The following IGSF10 variants were observed in gnomAD, a reference collection of about 807,000 sequenced individuals.
IGSF10 encodes the protein immunoglobulin superfamily member 10, also known as calvaria mechanical force protein 608.
In IGSF10, 126 loss-of-function variants were observed where a neutral mutation model predicts 128.2. The ratio of observed to expected loss-of-function variants is 0.98; its 90% confidence interval spans 0.85 to 1.14. IGSF10 has a LOEUF of 1.14. Among genes scored for constraint, IGSF10 ranks in the 50% most tolerant of loss-of-function variants. The pLI is 0.00. For missense variants in IGSF10, 3,295 were observed against 3,149.8 expected (o/e 1.05, Z -1.10); for synonymous variants, 1,185 against 1,146.2 (o/e 1.03, Z -0.68).
the IGSF10 span, among the ~76,000 whole-genome samples, chr3:151,522,843 C>A: frequency 2.0e-5 from 3 of 152,074 alleles, no homozygotes; most frequent in African/African-American, 7.2e-5. Flanking sequence ...CCAGGACAAT[C>A]AGGCAAGAGA....
the IGSF10 span, among the ~76,000 whole-genome samples, chr3:151,508,116 T>A: frequency 6.6e-6 from 1 of 152,152 alleles, no homozygotes; most frequent in African/African-American, 2.4e-5. Context: ...CAATTCTATA[T>A]ACAGAGTGTA....
In IGSF10 at chr3:151,448,956, G is replaced by A. The variant is rs1721374383; in HGVS notation, c.1025C>T (p.Pro342Leu). 5 of 1,614,040 alleles carry A rather than the reference G, an allele frequency of 3.1e-6. No homozygotes were observed. The highest frequency in any genetic ancestry group is 1.1e-5 in the South Asian group (1 of 91,080). Residue 342 changes from proline to leucine, a missense_variant, in exon 6 of 8, where the codon CCC (proline) becomes CTC (leucine). Physicochemically the swap from Pro to Leu is moderately conservative, Grantham distance 98. Transcript: ENST00000282466. ...GTCATTTTCTTCAGTGAATGCAATGGGTGATGTCCTTGAGGGCTTTTGAAT... is the reference window on the plus strand; with the variant it reads ...GTCATTTTCTTCAGTGAATGCAATGAGTGATGTCCTTGAGGGCTTTTGAAT... ...CSIQKPSRTSPIAFTEENDYI... is the reference protein window; with the variant it reads ...CSIQKPSRTSLIAFTEENDYI...
At chr3:151,576,622 C>T in the IGSF10 span, among the ~76,000 whole-genome samples, 2 of 152,236 alleles carry the variant, frequency 1.3e-5, no homozygotes, top group Admixed American at 1.3e-4. Context: ...AGAAGCTGGC[C>T]ATAACTTCCC....
the IGSF10 span, among the ~76,000 whole-genome samples, chr3:151,500,521 G>C: frequency 5.9e-5 from 9 of 152,186 alleles, no homozygotes; most frequent in African/African-American, 2.2e-4. Context: ...AATAGAACGG[G>C]GAATAGTAAT....
chr3:151,522,421 G>T, the IGSF10 span, among the ~76,000 whole-genome samples: 4 of 152,088 alleles, frequency 2.6e-5, no homozygotes, highest in African/African-American at 9.7e-5. Context: ...TATCCTTGAT[G>T]AACATCAATG....
At chr3:151,574,385 G>T in the IGSF10 span, among the ~76,000 whole-genome samples, 1 of 152,082 alleles carries the variant, frequency 6.6e-6, no homozygotes. Context: ...TTTTCACATA[G>T]TCCCATAATT....
the IGSF10 span, among the ~76,000 whole-genome samples, chr3:151,516,046 A>T: frequency 3.3e-5 from 5 of 151,522 alleles, no homozygotes; most frequent in African/African-American, 1.2e-4. Context: ...TGGTTCACTG[A>T]CTGAGGACAA....
At chr3:151,480,314 T>G in the IGSF10 span, among the ~76,000 whole-genome samples, 2 of 152,070 alleles carry the variant, frequency 1.3e-5, no homozygotes, top group Non-Finnish European at 2.9e-5. Flanking sequence ...ATCTTCCCAG[T>G]TGGGATCAGC....
the IGSF10 span, among the ~76,000 whole-genome samples, chr3:151,515,889 G>A: frequency 2.6e-5 from 4 of 151,450 alleles, no homozygotes; most frequent in African/African-American, 7.3e-5. Context: ...ATTTATAGAG[G>A]GATTTCATTC....
rs761098923 is a variant in IGSF10 at position 151,458,724 on chromosome 3, A to C, written c.-1-14T>G. ...TTTACCTTCATCCTGAAAAAACATC[A>C]TACCTCAGAGTTATAAAGAGTGGTG... On this transcript the variant is annotated splice_polypyrimidine_tract_variant and intron_variant, in intron 2 of 7. Coordinates refer to ENST00000282466, the MANE Select transcript of IGSF10 (RefSeq NM_178822.5). The C allele has an allele frequency of 9.3e-6, 15 of 1,608,246 alleles. No individual in the cohort carries two copies. The South Asian group carries it at 1.7e-4, about 18-fold the overall frequency.
At chr3:151,529,004 T>C in the IGSF10 span, among the ~76,000 whole-genome samples, 2 of 151,936 alleles carry the variant, frequency 1.3e-5, no homozygotes, top group South Asian at 4.2e-4. Flanking sequence ...CTGGGATGCT[T>C]GAGCTTGGTG....
In IGSF10 at chr3:151,453,499, G is replaced by C; in HGVS notation, c.600C>G (p.Leu200=). 1.2e-6 allele frequency: 2 copies of C among 1,614,016 alleles called. No homozygotes were observed. The highest frequency in any genetic ancestry group is 8.5e-7 in the Non-Finnish European group (1 of 1,179,868). ...LYLSDNFLTS[L]PQEMVSYMPD... ...GCATATAGGAGACCATCTCTTGAGG[G>C]AGGGAGGTCAGGAAGTTATCAGACA... is the stretch of plus-strand genomic sequence containing the variant. The change falls in exon 5 of 8, where the codon CTC becomes CTG. Residue 200 remains leucine (L), a synonymous_variant. Coordinates refer to ENST00000282466, the MANE Select transcript of IGSF10 (RefSeq NM_178822.5).
the IGSF10 span, among the ~76,000 whole-genome samples, chr3:151,592,822 C>T: frequency 6.6e-6 from 1 of 152,112 alleles, no homozygotes; most frequent in Non-Finnish European, 1.5e-5. Flanking sequence ...AGTCTACATA[C>T]TGTGTAATGC....
the IGSF10 span, among the ~76,000 whole-genome samples, chr3:151,517,472 A>G: frequency 6.6e-6 from 1 of 151,978 alleles, no homozygotes; most frequent in Non-Finnish European, 1.5e-5. Flanking sequence ...TATTCTCTCA[A>G]AAGTTTTAAA....
the IGSF10 span, among the ~76,000 whole-genome samples, chr3:151,545,204 C>A: frequency 6.6e-6 from 1 of 151,946 alleles, no homozygotes; most frequent in African/African-American, 2.4e-5. Flanking sequence ...TTATTGTGGG[C>A]CTGTTTTCAC....
intron 4 of IGSF10, among the ~76,000 whole-genome samples, chr3:151,455,937 G>C (rs1721769883): frequency 6.6e-6 from 1 of 152,208 alleles, no homozygotes; most frequent in Admixed American, 6.5e-5. Flanking sequence ...TATCATCTCT[G>C]TCGAGAATGC....
chr3:151,439,851 G>T (rs977549973), intron 7 of IGSF10, among the ~76,000 whole-genome samples: 1 of 152,192 alleles, frequency 6.6e-6, no homozygotes, highest in African/African-American at 2.4e-5. Flanking sequence ...GACCAGTGGA[G>T]ACTCAACTGG....
chr3:151,461,965 G>T (rs1289637412), upstream of IGSF10, among the ~76,000 whole-genome samples: 1 of 152,054 alleles, frequency 6.6e-6, no homozygotes, highest in Non-Finnish European at 1.5e-5. Flanking sequence ...TGTCTCAGAG[G>T]AATTCTTTTA....
chr3:151,585,337 A>C, the IGSF10 span, among the ~76,000 whole-genome samples: 1 of 152,214 alleles, frequency 6.6e-6, no homozygotes, highest in African/African-American at 2.4e-5. Flanking sequence ...AAAATGACAT[A>C]TGTGTCTTGC....
Sources: allele counts gnomAD v4.1 joint callset (sites outside exome capture counted in the v4.1 genomes callset), GRCh38; gene constraint gnomAD v4.1.1; transcripts MANE v1.5; gene names NCBI Gene and HGNC (gene_info 2026-07-23, HGNC 2026-07-21).